Variants in FIBCD1 observed in about 807,000 individuals in gnomAD.
FIBCD1 encodes the protein fibrinogen C domain containing 1.
In FIBCD1, 47 loss-of-function variants were observed where a neutral mutation model predicts 45.1. The ratio of observed to expected loss-of-function variants is 1.04; its 90% CI spans 0.82 to 1.33. FIBCD1 has a LOEUF of 1.33. Ranked by LOEUF, FIBCD1 falls within the 40% of genes most tolerant of loss-of-function variation. The pLI, the probability that FIBCD1 is intolerant of heterozygous loss-of-function variation, is 0.00. For synonymous variants in FIBCD1, 313 were observed against 308.1 expected, an observed-to-expected ratio of 1.02 and a Z score of -0.17; for missense variants, 653 against 682.2, an observed-to-expected ratio of 0.96 and a Z score of 0.48.
chr9:130,919,030 C>T (rs1050260755), intron 4 of FIBCD1, among the ~76,000 whole-genome samples: 2 of 152,192 alleles, frequency 1.3e-5, no homozygotes, highest in Non-Finnish European at 2.9e-5. Context: ...TACCCCCAGG[C>T]TTGGCGCCCT....
chr9:130,911,983 T>G, intron 4 of FIBCD1, 95 bp from the exon 5 acceptor site: 1 of 1,168,138 alleles, frequency 8.6e-7, no homozygotes, highest in Non-Finnish European at 1.2e-6. Flanking sequence ...CCCCTCACCC[T>G]GCTCCCAACC....
chr9:130,931,105 C>T (rs1832442919), intron 1 of FIBCD1, among the ~76,000 whole-genome samples: 1 of 152,140 alleles, frequency 6.6e-6, no homozygotes, highest in Admixed American at 6.5e-5. Context: ...AATGCCAACC[C>T]GCTGGGCCAG....
chr9:130,913,271 C>T (rs1258221080), intron 4 of FIBCD1, among the ~76,000 whole-genome samples: 6 of 106,054 alleles, frequency 5.7e-5, no homozygotes, highest in Non-Finnish European at 1.0e-4. Context: ...CCTTTATTCT[C>T]CCTGCTTTAT....
Position 130,911,796 on chromosome 9 carries a change from C to G in FIBCD1, c.942G>C (p.Trp314Cys), listed in dbSNP as rs757075901. 1 of 1,599,396 alleles carries G rather than the reference C, an allele frequency of 6.3e-7. No homozygotes were observed. Among genetic ancestry groups the G allele is most frequent in the Non-Finnish European group, 8.5e-7 (1 of 1,174,022 alleles). The change falls in exon 5 of 7, where the codon TGG (tryptophan) becomes TGC (cysteine). Residue 314 changes from tryptophan (W) to cysteine (C), a missense_variant. Transcript: ENST00000372338. ...GATGGTGGGTGGGGTGCTCACCTAG[C>G]CAGTGCTCCCCGGTGAGCCTGCCAA... ...DGFGRLTGEH[W>C]LGLKRIHALT...
chr9:130,912,629 C>T (rs1018327316), intron 4 of FIBCD1, among the ~76,000 whole-genome samples: 1 of 151,856 alleles, frequency 6.6e-6, no homozygotes, highest in East Asian at 1.9e-4. Flanking sequence ...ATCGCTTGAT[C>T]CCGGGAGGCG....
intron 6 of FIBCD1, among the ~76,000 whole-genome samples, 185 bp downstream of exon 6, chr9:130,905,049 T>G (rs567308971): frequency 6.6e-6 from 1 of 152,376 alleles, no homozygotes; most frequent in East Asian, 1.9e-4. Flanking sequence ...TTAGATTGGT[T>G]TCAGGCCTCT....
intron 5 of FIBCD1, among the ~76,000 whole-genome samples, chr9:130,909,362 C>T (rs1014405336): frequency 6.6e-5 from 10 of 151,966 alleles, no homozygotes; most frequent in South Asian, 2.1e-4. Flanking sequence ...GTGGGGCATT[C>T]GAGGCCGCCC....
chr9:130,926,076 G>A lies in FIBCD1; in HGVS notation c.553-1680C>T, dbSNP rs1016659036. ...GGTTTCACGGCAGCATCCTGTAGAC[G>A]AGCTCCACTGGGCACGCCCCACAGA... On this transcript the variant is annotated intron_variant, in intron 2 of 6. Transcript: ENST00000372338. The surrounding 1 kb of genome is among the most constrained non-coding windows in gnomAD (Gnocchi z 4.1). Among the ~76,000 whole-genome samples the A allele has an allele frequency of 3.3e-5, 5 of 152,116 alleles. No individual in the cohort carries two copies. Among genetic ancestry groups the A allele is most frequent in the African/African-American group, 9.7e-5 (4 of 41,430 alleles).
upstream of FIBCD1, among the ~76,000 whole-genome samples, chr9:130,940,633 G>A (rs1832607169): frequency 6.6e-6 from 1 of 152,250 alleles, no homozygotes; most frequent in Admixed American, 6.5e-5. Flanking sequence ...AAGCCAAAGG[G>A]TTGACTGCAC....
rs775555459 is a variant in FIBCD1, at chr9:130,929,854, G to A, written c.265C>T (p.His89Tyr). 7.7e-6 allele frequency: 12 copies of A among 1,549,648 alleles called. No homozygotes were observed. The Admixed American group carries it at 2.0e-4, about 25-fold the overall frequency. The change falls in exon 2 of 7, where the codon CAC (histidine) becomes TAC (tyrosine). Residue 89 changes from histidine to tyrosine, a missense_variant. Coordinates refer to ENST00000372338, the MANE Select transcript of FIBCD1 (RefSeq NM_032843.5). ...LVTVERADSS[H>Y]LSILIDPRCP... Reference sequence around the variant, plus strand: ...CGCGGGTCAATGAGGATGCTGAGGTGCGAGCTGTCCGCCCTTTCCACAGTG... The same window carrying A: ...CGCGGGTCAATGAGGATGCTGAGGTACGAGCTGTCCGCCCTTTCCACAGTG...
chr9:130,936,622 AG>A (rs1321124844), intron 1 of FIBCD1, among the ~76,000 whole-genome samples: 1 of 152,256 alleles, frequency 6.6e-6, no homozygotes, highest in African/African-American at 2.4e-5. Context: ...ATTCCCCAGA[AG>A]GCACCTCCCC....
At chr9:130,918,989 G>C (rs1435541898) in intron 4 of FIBCD1, among the ~76,000 whole-genome samples, 1 of 152,154 alleles carries the variant, frequency 6.6e-6, no homozygotes, top group Non-Finnish European at 1.5e-5. Context: ...GAAGGAAATC[G>C]GACCCACTCC....
chr9:130,921,835 T>A (rs1455192607), intron 4 of FIBCD1, among the ~76,000 whole-genome samples: 1 of 152,148 alleles, frequency 6.6e-6, no homozygotes, highest in Non-Finnish European at 1.5e-5. Flanking sequence ...CAGACGCAGC[T>A]CCAGTACATT....
intron 2 of FIBCD1, among the ~76,000 whole-genome samples, 164 bp downstream of exon 2, chr9:130,929,403 C>T (rs1832407645): frequency 6.6e-6 from 1 of 152,188 alleles, no homozygotes; most frequent in Non-Finnish European, 1.5e-5. Context: ...GACTGCGCCT[C>T]CCTGAGCTTC....
chr9:130,933,671 C>T (rs1167699551), intron 1 of FIBCD1, among the ~76,000 whole-genome samples: 1 of 137,672 alleles, frequency 7.3e-6, no homozygotes, highest in Admixed American at 8.6e-5. Context: ...GACCTCTGTC[C>T]AGGCTACCTT....
In FIBCD1 at chr9:130,911,869, T is replaced by C. The variant is rs760505314; in HGVS notation, c.869A>G (p.Asp290Gly). Residue 290 changes from aspartate (D) to glycine (G), a missense_variant, in exon 5 of 7, where the codon GAC becomes GGC. By Grantham distance (94) the Asp-to-Gly change is moderately conservative. Transcript: ENST00000372338. ...GCCCCGGAAGAAGTTCACGGAGCCG[T>C]CCTCCCGGCGCTGAAACACCTGCAA... ...GGWTVFQRRE[D>G]GSVNFFRGWD... 4 of 1,588,118 alleles carry C rather than the reference T, an allele frequency of 2.5e-6. No homozygotes were observed. In the East Asian group the frequency reaches 9.3e-5, roughly 37 times the overall value.
At chr9:130,918,887 G>A (rs1832210557) in intron 4 of FIBCD1, among the ~76,000 whole-genome samples, 1 of 152,226 alleles carries the variant, frequency 6.6e-6, no homozygotes, top group Non-Finnish European at 1.5e-5. Flanking sequence ...GGCCGGTGGG[G>A]AAGAGGCAAT....
upstream of FIBCD1, chr9:130,939,391 A>AGGTCTG (rs1452578972): frequency 1.3e-5 from 2 of 152,116 alleles, no homozygotes; most frequent in Non-Finnish European, 2.9e-5. Flanking sequence ...CGGGCCCCCG[A>AGGTCTG]GGTCTGGGTC....
rs564550299 is a variant in FIBCD1, at chr9:130,912,805, A to G, written c.850-917T>C. On this transcript the variant is annotated intron_variant, in intron 4 of 6. Coordinates refer to ENST00000372338, the MANE Select transcript of FIBCD1 (RefSeq NM_032843.5). Reference sequence around the variant, plus strand: ...TTCGGTTTCCCCAATGGTCAAAGAAAGGGGGGGCAGAGTCTTAATCTTTTT... The same window carrying G: ...TTCGGTTTCCCCAATGGTCAAAGAAGGGGGGGGCAGAGTCTTAATCTTTTT... 1.5e-3 allele frequency among the ~76,000 whole-genome samples: 170 copies of G among 111,024 alleles called. 3 individuals are homozygous for G. Among genetic ancestry groups the G allele is most frequent in the East Asian group, 1.7e-3 (6 of 3,478 alleles). The allele number at this position is 111,024 out of a possible 152,430, so 72.8% of individuals were successfully genotyped here. A position where few individuals can be genotyped will look rare whatever the true frequency, so the allele number is the denominator to read the frequency against.
Sources: gnomAD v4.1 joint callset for allele counts (sites outside exome capture counted in the v4.1 genomes callset) on GRCh38, gnomAD v4.1.1 for gene constraint, Gnocchi (gnomAD v3.1) non-coding constraint, MANE v1.5 for transcripts, NCBI Gene and HGNC (gene_info 2026-07-23, HGNC 2026-07-21) for gene names.